LPAR6: variants seen among roughly 807,000 people sequenced by gnomAD.
LPAR6 encodes G-protein coupled purinergic receptor P2Y5.
A neutral mutation model predicts 22.0 loss-of-function variants in LPAR6; 17 were observed. The ratio of observed to expected loss-of-function variants is 0.77; its 90% CI spans 0.53 to 1.16. LPAR6 has a LOEUF of 1.16. Among genes scored for constraint, LPAR6 ranks in the 50% most tolerant of loss-of-function variants. The probability of loss-of-function intolerance (pLI) is 0.00; values close to 1 mark genes in which losing one functional copy is unlikely to be tolerated. For missense variants in LPAR6, 384 were observed against 406.9 expected (o/e 0.94, Z 0.48); for synonymous variants, 136 against 139.8 (o/e 0.97, Z 0.19).
chr13:48,411,391 A>C lies in LPAR6; in HGVS notation c.1033T>G (p.Ter345GlyextTer18), dbSNP rs748423339. Residue 345 changes from the stop codon to glycine, a stop_lost, in exon 1 of 1, where the codon TGA becomes GGA. Coordinates refer to ENST00000620633, the MANE Select transcript of LPAR6 (RefSeq NM_001162498.3). ...CAGTGAGTCCTAATGGTTTTATTTC[A>C]GGCAGCAGATTCATTGTCAAATATC... is the stretch of plus-strand genomic sequence containing the variant. ...SKIFDNESAA[*>G] The C allele has an allele frequency of 5.6e-6, 9 of 1,609,220 alleles. No individual in the cohort carries two copies. The highest frequency in any genetic ancestry group is 7.6e-6 in the Non-Finnish European group (9 of 1,177,806).
At chr13:48,441,441 A>G (rs1442059005) in intron 1 of LPAR6, among the ~76,000 whole-genome samples, 3 of 152,198 alleles carry the variant, frequency 2.0e-5, no homozygotes, top group Non-Finnish European at 4.4e-5. Flanking sequence ...ACATGTGCAT[A>G]TCAACAAAAA....
intron 1 of LPAR6, among the ~76,000 whole-genome samples, chr13:48,425,052 C>CA (rs933328070): frequency 2.0e-4 from 29 of 144,540 alleles, no homozygotes; most frequent in Middle Eastern, 3.6e-3. Context: ...GACTCTGTCT[C>CA]AAAAAAAAAG....
At chr13:48,435,752 A>T (rs1949176896) in intron 1 of LPAR6, among the ~76,000 whole-genome samples, 1 of 152,100 alleles carries the variant, frequency 6.6e-6, no homozygotes, top group African/African-American at 2.4e-5. Context: ...AGGTTTTTTT[A>T]GGGGGTGCTG....
chr13:48,392,836 C>T (rs1346346847), intron 1 of LPAR6, among the ~76,000 whole-genome samples: 1 of 151,846 alleles, frequency 6.6e-6, no homozygotes, highest in Non-Finnish European at 1.5e-5. Context: ...TGCCAGATAT[C>T]ATGAATTTTG....
chr13:48,434,689 G>A (rs1949164689), intron 1 of LPAR6, among the ~76,000 whole-genome samples: 1 of 152,076 alleles, frequency 6.6e-6, no homozygotes, highest in Non-Finnish European at 1.5e-5. Flanking sequence ...GTAGGTCCAT[G>A]TATCCACCAC....
intron 2 of LPAR6, among the ~76,000 whole-genome samples, chr13:48,420,623 T>C (rs1015669486): frequency 3.3e-5 from 5 of 152,330 alleles, no homozygotes; most frequent in African/African-American, 1.2e-4. Flanking sequence ...ACAATGATTG[T>C]CTATTTAGAA....
At position 48,434,263 on chromosome 13, in the gene LPAR6, A is replaced by G. The variant is rs572960734; in HGVS notation, c.-1473-10144T>C. 3.7e-4 allele frequency among the ~76,000 whole-genome samples: 57 copies of G among 152,126 alleles called. 1 individual carries two copies. The highest frequency in any genetic ancestry group is 7.2e-4 in the Admixed American group (11 of 15,276). On this transcript the variant is annotated intron_variant, in intron 1 of 6. Transcript: ENST00000378434. ...GTAGTTTGAGAACGGCCTGGACAAC[A>G]TAGTGAGAATCTCTCTCCATTTAAT...
chr13:48,410,914 C>G (rs1430715263), downstream of LPAR6: 1 of 152,354 alleles, frequency 6.6e-6, no homozygotes, highest in Non-Finnish European at 1.5e-5. Flanking sequence ...ACTCCCAAAA[C>G]ATTTATTTCA....
At chr13:48,399,419 A>C (rs1042289339) in intron 1 of LPAR6, among the ~76,000 whole-genome samples, 5 of 152,076 alleles carry the variant, frequency 3.3e-5, no homozygotes, top group Admixed American at 6.6e-5. Flanking sequence ...ATAGATAAGC[A>C]GAAAGAATAC....
rs757670810 is a variant in LPAR6 at position 48,441,818 on chromosome 13, G to C, written c.-1474+2735C>G. 3.3e-5 allele frequency among the ~76,000 whole-genome samples: 5 copies of C among 152,020 alleles called. 1 individual carries two copies. The South Asian group carries it at 1.0e-3, about 32-fold the overall frequency. On this transcript the variant is annotated intron_variant, in intron 1 of 6. Coordinates refer to the LPAR6 transcript ENST00000378434. ...AAAACCTGGTGATTTTCATTCTGTG[G>C]TATAGAGATCCTAGTTAAGAGGCAG...
At chr13:48,397,134 C>A (rs929626382) in intron 1 of LPAR6, among the ~76,000 whole-genome samples, 1 of 152,152 alleles carries the variant, frequency 6.6e-6, no homozygotes, top group Non-Finnish European at 1.5e-5. Flanking sequence ...ACCCAGTAAT[C>A]CCATTACTGA....
At chr13:48,418,420 C>A (rs1257913414) in intron 2 of LPAR6, among the ~76,000 whole-genome samples, 1 of 152,100 alleles carries the variant, frequency 6.6e-6, no homozygotes, top group East Asian at 1.9e-4. Flanking sequence ...CCAGCCACTG[C>A]AAAAACATAC....
At position 48,411,923 on chromosome 13, in the gene LPAR6, G is replaced by C. The variant is rs1948814167; in HGVS notation, c.501C>G (p.Ala167=). The C allele has an allele frequency of 6.2e-7, 1 of 1,612,642 alleles. No individual in the cohort carries two copies. The highest frequency in any genetic ancestry group is 8.5e-7 in the Non-Finnish European group (1 of 1,179,216). ...THSQGNNASE[A]CFENFPEATW... is the part of the protein sequence containing the mutation. ...TGGCTTCTGGAAAATTTTCAAAGCA[G>C]GCTTCTGAGGCATTGTTACCCTGAG... is the stretch of plus-strand genomic sequence containing the variant. The change falls in exon 1 of 1, where the codon GCC becomes GCG. Residue 167 remains alanine, a synonymous_variant. Coordinates refer to ENST00000620633, the MANE Select transcript of LPAR6 (RefSeq NM_001162498.3).
At chr13:48,408,712 T>C (rs1215702069), downstream of LPAR6, 19 of 152,320 alleles carry the variant, frequency 1.2e-4, no homozygotes, top group African/African-American at 2.4e-5. Flanking sequence ...ATGTTTGTTA[T>C]CTGTTATGTA....
chr13:48,405,035 G>T (rs962359310), intron 1 of LPAR6, among the ~76,000 whole-genome samples: 4 of 151,916 alleles, frequency 2.6e-5, no homozygotes, highest in African/African-American at 7.3e-5. Flanking sequence ...CTGCCCTTTT[G>T]AAATGAAATT....
chr13:48,399,337 A>G (rs1321126394), intron 1 of LPAR6, among the ~76,000 whole-genome samples: 1 of 152,050 alleles, frequency 6.6e-6, no homozygotes, highest in Non-Finnish European at 1.5e-5. Context: ...AGAAGGCAAT[A>G]TCTTAGGAAT....
At position 48,411,471 on chromosome 13, in the gene LPAR6, T is replaced by C; in HGVS notation, c.953A>G (p.Glu318Gly). 1 of 1,612,896 alleles carries C rather than the reference T, an allele frequency of 6.2e-7. No individual in the cohort carries two copies. The highest frequency in any genetic ancestry group is 8.5e-7 in the Non-Finnish European group (1 of 1,179,248). Residue 318 changes from glutamate to glycine, a missense_variant, in exon 1 of 1, where the codon GAA becomes GGA. By Grantham distance (98) the Glu-to-Gly change is moderately conservative. Coordinates refer to ENST00000620633, the MANE Select transcript of LPAR6 (RefSeq NM_001162498.3). ...SVRRSDFRFSEVHGAENFIQH... is the reference protein window; with the variant it reads ...SVRRSDFRFSGVHGAENFIQH... The stretch of plus-strand genomic sequence containing the variant: ...AATAAAATTCTCTGCACCATGAACT[T>C]CAGAGAATCTGAAGTCACTTCTCCT...
intron 1 of LPAR6, among the ~76,000 whole-genome samples, chr13:48,397,141 C>G (rs1048163362): frequency 1.3e-5 from 2 of 152,180 alleles, no homozygotes. Context: ...AATCCCATTA[C>G]TGAGCATATA....
chr13:48,399,866 A>G lies in LPAR6; in HGVS notation n.115-10054T>C, dbSNP rs117644718. ...TGTATCTATACCCTTCTTTAATTTT[A>G]AAACACTCTGACATATGAAAAAATG... is the stretch of plus-strand genomic sequence containing the variant. On this transcript the variant is annotated intron_variant and non_coding_transcript_variant, in intron 1 of 1. Coordinates refer to the LPAR6 transcript ENST00000462781. Among the ~76,000 whole-genome samples the G allele has an allele frequency of 8.4e-3, 1,277 of 152,144 alleles. 16 individuals carry two copies. Among genetic ancestry groups the G allele is most frequent in the African/African-American group, 0.023 (966 of 41,552 alleles).
Sources: allele counts gnomAD v4.1 joint callset (sites outside exome capture counted in the v4.1 genomes callset), GRCh38; gene constraint gnomAD v4.1.1; transcripts MANE v1.5; gene names NCBI Gene and HGNC (gene_info 2026-07-23, HGNC 2026-07-21).